SLC44A1: variants seen among roughly 807,000 people sequenced by gnomAD.
The protein encoded by SLC44A1 is choline transporter-like protein 1.
Under a neutral mutation model 79.3 loss-of-function variants are expected in SLC44A1, and 26 were observed. The observed-to-expected ratio is 0.33, with a 90% confidence interval of 0.24 to 0.46. SLC44A1 has a LOEUF of 0.46. SLC44A1 is among the 20% of genes least tolerant of loss of function. The probability of loss-of-function intolerance (pLI) is 1.00; values close to 1 mark genes in which losing one functional copy is unlikely to be tolerated. For missense variants in SLC44A1, 688 were observed against 798.1 expected (o/e 0.86, Z 1.66); for synonymous variants, 263 against 286.2 (o/e 0.92, Z 0.82).
chr9:105,405,424 A>G (rs1159396677), intron 15 of SLC44A1, among the ~76,000 whole-genome samples: 2 of 152,176 alleles, frequency 1.3e-5, no homozygotes, highest in Non-Finnish European at 2.9e-5. Flanking sequence ...ATTGACAAAA[A>G]CTGTCCAATC....
intron 15 of SLC44A1, among the ~76,000 whole-genome samples, chr9:105,414,339 G>A (rs1254478265): frequency 1.3e-5 from 2 of 152,174 alleles, no homozygotes; most frequent in Non-Finnish European, 2.9e-5. Context: ...ATAGGCGTGA[G>A]CCACCACGCC....
In SLC44A1 at chr9:105,396,101, G is replaced by A; in HGVS notation, c.*7045G>A. ...TTGATTTTCAGAGATGATCACATGG[G>A]GACAGTTAACTTTTCTTCTGCTGTG... On this transcript the variant is annotated 3_prime_UTR_variant, in exon 16 of 16. Coordinates refer to ENST00000374720, the MANE Select transcript of SLC44A1 (RefSeq NM_080546.5). 3.0e-6 allele frequency: 3 copies of A among 985,122 alleles called. No individual in the cohort carries two copies. The highest frequency in any genetic ancestry group is 3.6e-6 in the Non-Finnish European group (3 of 829,876). 61.0% of individuals were successfully genotyped at this position (985,122 alleles called of 1,614,324 possible).
At chr9:105,334,771 G>C (rs925549108) in intron 3 of SLC44A1, among the ~76,000 whole-genome samples, 1 of 152,108 alleles carries the variant, frequency 6.6e-6, no homozygotes. Flanking sequence ...ATGCTTTGGC[G>C]TGCTTTCTAA....
chr9:105,277,642 T>C lies in SLC44A1; in HGVS notation c.37-21578T>C, dbSNP rs979602946. Among the ~76,000 whole-genome samples the C allele has an allele frequency of 5.3e-5, 8 of 152,208 alleles. 1 individual carries two copies. The highest frequency in any genetic ancestry group is 1.5e-5 in the Non-Finnish European group (1 of 68,028). On this transcript the variant is annotated intron_variant, in intron 1 of 15. Transcript: ENST00000374720. ...GAAAAATACAATAAACAACCCATGT[T>C]TGCAAAATCAGGCACTGAAAACAAT...
chr9:105,299,420 T>G, intron 2 of SLC44A1, 111 bp downstream of exon 2: 1 of 627,154 alleles, frequency 1.6e-6, no homozygotes, highest in Non-Finnish European at 2.5e-6. Flanking sequence ...TACAATTCAG[T>G]GGTATTTTGT....
chr9:105,379,856 C>T (rs1049916351), intron 13 of SLC44A1, among the ~76,000 whole-genome samples: 1 of 152,176 alleles, frequency 6.6e-6, no homozygotes, highest in Admixed American at 6.5e-5. Context: ...TACTTTACTT[C>T]CATTTGGTAA....
chr9:105,394,645 T>G lies in SLC44A1; in HGVS notation c.*5589T>G. ...ATGTGGCTTAGTGTTATCAGTATACTACTGTCTTAAAATATATTTGTCAAC... is the reference window on the plus strand; with the variant it reads ...ATGTGGCTTAGTGTTATCAGTATACGACTGTCTTAAAATATATTTGTCAAC... On this transcript the variant is annotated 3_prime_UTR_variant, in exon 16 of 16. Coordinates refer to ENST00000374720, the MANE Select transcript of SLC44A1 (RefSeq NM_080546.5). 2.0e-6 allele frequency: 2 copies of G among 985,284 alleles called. No homozygotes were observed. Among genetic ancestry groups the G allele is most frequent in the Non-Finnish European group, 2.4e-6 (2 of 829,776 alleles). The allele number at this position is 985,284 out of a possible 1,614,324, so 61.0% of individuals were successfully genotyped here.
intron 15 of SLC44A1, among the ~76,000 whole-genome samples, chr9:105,387,166 G>A (rs1193626805): frequency 6.8e-6 from 1 of 148,020 alleles, no homozygotes; most frequent in Non-Finnish European, 1.5e-5. Flanking sequence ...CAAACTAATC[G>A]CATATTCAAC....
At chr9:105,273,940 C>A (rs1249415033) in intron 1 of SLC44A1, among the ~76,000 whole-genome samples, 1 of 152,094 alleles carries the variant, frequency 6.6e-6, no homozygotes, top group African/African-American at 2.4e-5. Flanking sequence ...CTTTTACACA[C>A]CCACACAGTC....
chr9:105,292,462 C>CT (rs1830623407), intron 1 of SLC44A1, among the ~76,000 whole-genome samples: 1 of 152,058 alleles, frequency 6.6e-6, no homozygotes, highest in Non-Finnish European at 1.5e-5. Flanking sequence ...TGGCTGATTT[C>CT]TTTTTTTAAA....
At chr9:105,363,256 G>C (rs575560399) in intron 9 of SLC44A1, among the ~76,000 whole-genome samples, 1 of 151,636 alleles carries the variant, frequency 6.6e-6, no homozygotes, top group South Asian at 2.1e-4. Flanking sequence ...TCCGCCTCCC[G>C]GGTTCAAGTG....
chr9:105,381,691 G>T (rs1452088590), intron 13 of SLC44A1, among the ~76,000 whole-genome samples: 3 of 152,160 alleles, frequency 2.0e-5, no homozygotes, highest in Non-Finnish European at 4.4e-5. Context: ...TATAAGAGAA[G>T]ATTCATAAGT....
intron 1 of SLC44A1, among the ~76,000 whole-genome samples, chr9:105,248,373 C>A (rs74807089): frequency 0.03 from 4,560 of 152,200 alleles, 147 homozygotes; most frequent in Non-Finnish European, 0.043. Flanking sequence ...GTCTGGGTAT[C>A]ATGATTTTCC....
At chr9:105,376,074 T>C (rs1828272614) in intron 13 of SLC44A1, among the ~76,000 whole-genome samples, 1 of 152,150 alleles carries the variant, frequency 6.6e-6, no homozygotes, top group Non-Finnish European at 1.5e-5. Flanking sequence ...TTTGTAAACA[T>C]TCTCTTACTA....
chr9:105,311,821 T>C (rs1268763952), intron 3 of SLC44A1, among the ~76,000 whole-genome samples: 1 of 152,180 alleles, frequency 6.6e-6, no homozygotes, highest in Non-Finnish European at 1.5e-5. Flanking sequence ...TGAACAGACT[T>C]TTTTTTACCC....
At chr9:105,311,948 C>A (rs989267965) in intron 3 of SLC44A1, among the ~76,000 whole-genome samples, 3 of 152,098 alleles carry the variant, frequency 2.0e-5, no homozygotes, top group Non-Finnish European at 4.4e-5. Context: ...GGTTTCCTTC[C>A]TTTACACTTA....
At position 105,391,676 on chromosome 9, in the gene SLC44A1, A is replaced by G. The variant is rs1828765056; in HGVS notation, c.*2620A>G. The G allele has an allele frequency of 3.1e-6, 3 of 980,632 alleles. No individual in the cohort carries two copies. Among genetic ancestry groups the G allele is most frequent in the South Asian group, 4.7e-5 (1 of 21,276 alleles). 60.7% of individuals were successfully genotyped at this position (980,632 alleles called of 1,614,324 possible). ...ATATTCCTGCTGCCTCTTTTCATTC[A>G]TTTCAAGTCATTCTTCAGCTAGCTA... On this transcript the variant is annotated 3_prime_UTR_variant, in exon 16 of 16. Transcript: ENST00000374720.
intron 1 of SLC44A1, among the ~76,000 whole-genome samples, chr9:105,274,092 A>G (rs936253100): frequency 6.6e-6 from 1 of 152,200 alleles, no homozygotes; most frequent in Non-Finnish European, 1.5e-5. Context: ...CCAATAAAAA[A>G]ACCAGTAAAG....
At chr9:105,425,846 C>A (rs886911729) in intron 15 of SLC44A1, among the ~76,000 whole-genome samples, 4 of 151,960 alleles carry the variant, frequency 2.6e-5, no homozygotes, top group African/African-American at 9.7e-5. Flanking sequence ...AAACAAAAAA[C>A]CCTGTATATT....
Sources: gnomAD v4.1 joint callset for allele counts (sites outside exome capture counted in the v4.1 genomes callset) on GRCh38, gnomAD v4.1.1 for gene constraint, MANE v1.5 for transcripts, NCBI Gene and HGNC (gene_info 2026-07-23, HGNC 2026-07-21) for gene names.